Variants in PLCB4 observed in about 807,000 individuals in gnomAD.
PLCB4 encodes phospholipase C beta 4, also known as 1-phosphatidylinositol 4,5-bisphosphate phosphodiesterase beta-4.
PLCB4 carries 77 observed loss-of-function variants against 178.8 expected under a neutral mutation model. That is an observed-to-expected ratio of 0.43 (90% CI 0.36 to 0.52). PLCB4 has a LOEUF of 0.52. Among genes scored for constraint, PLCB4 ranks in the 20% least tolerant of loss-of-function variants. The pLI, the probability that PLCB4 is intolerant of heterozygous loss-of-function variation, is 0.00. For missense variants in PLCB4, 1,024 were observed against 1,453.4 expected (o/e 0.70, Z 4.80); for synonymous variants, 496 against 490.8 (o/e 1.01, Z -0.14).
intron 25 of PLCB4, among the ~76,000 whole-genome samples, chr20:9,417,217 AT>A (rs987735130): frequency 3.9e-5 from 6 of 151,922 alleles, no homozygotes; most frequent in Admixed American, 2.6e-4. Context: ...TAATTTTTTA[AT>A]TTTTTTTAAG....
intron 1 of PLCB4, among the ~76,000 whole-genome samples, chr20:9,090,489 G>C (rs2090629338): frequency 6.7e-6 from 1 of 149,732 alleles, no homozygotes; most frequent in African/African-American, 2.5e-5. Flanking sequence ...AAATAAGTTT[G>C]GCTTCTAACA....
intron 3 of PLCB4, among the ~76,000 whole-genome samples, chr20:9,260,028 G>T (rs1004312853): frequency 1.3e-5 from 2 of 152,034 alleles, no homozygotes; most frequent in Non-Finnish European, 2.9e-5. Flanking sequence ...TACATTTGAA[G>T]AATGGAAATT....
Position 9,406,175 on chromosome 20 carries a change from C to T in PLCB4, c.1647+827C>T, listed in dbSNP as rs574271442. 1.8e-4 allele frequency among the ~76,000 whole-genome samples: 27 copies of T among 152,208 alleles called. No individual in the cohort carries two copies. In the East Asian group the frequency reaches 5.2e-3, roughly 29 times the overall value. On this transcript the variant is annotated intron_variant, in intron 21 of 39. Transcript: ENST00000378473. ...TTTTAATTCTCAAGGCATCAATCTT[C>T]TCATGTGGTCAGTGGGTAGGACTCT...
intron 2 of PLCB4, among the ~76,000 whole-genome samples, chr20:9,209,477 C>A (rs1260817688): frequency 6.6e-6 from 1 of 151,834 alleles, no homozygotes; most frequent in African/African-American, 2.4e-5. Context: ...TTACATGGCA[C>A]AGTTTACTTT....
intron 3 of PLCB4, among the ~76,000 whole-genome samples, chr20:9,254,683 GCAAAACT>G (rs1172506048): frequency 6.6e-6 from 1 of 151,992 alleles, no homozygotes; most frequent in Non-Finnish European, 1.5e-5. Context: ...GGGCAACGGA[GCAAAACT>G]CTGTCTCAAA....
intron 7 of PLCB4, among the ~76,000 whole-genome samples, chr20:9,354,266 T>G (rs1000356015): frequency 6.6e-6 from 1 of 152,194 alleles, no homozygotes; most frequent in Non-Finnish European, 1.5e-5. Flanking sequence ...CTAAAGGTAG[T>G]TAGTTAGCGT....
chr20:9,229,511 G>T (rs1422335915), intron 3 of PLCB4, among the ~76,000 whole-genome samples: 1 of 152,010 alleles, frequency 6.6e-6, no homozygotes, highest in African/African-American at 2.4e-5. Context: ...AGTGCATGCT[G>T]CAGGGAGAAA....
chr20:9,319,575 G>T (rs754344903), intron 4 of PLCB4, among the ~76,000 whole-genome samples: 8 of 152,136 alleles, frequency 5.3e-5, no homozygotes, highest in Non-Finnish European at 1.2e-4. Flanking sequence ...AAGGGCCAGA[G>T]AACCAGGGGA....
chr20:9,111,783 C>T (rs764850541), intron 2 of PLCB4, among the ~76,000 whole-genome samples: 25 of 152,142 alleles, frequency 1.6e-4, no homozygotes, highest in Non-Finnish European at 3.1e-4. Flanking sequence ...CTCTTTGAGA[C>T]GAATGGCCTG....
chr20:9,217,864 A>T (rs1324934040), intron 3 of PLCB4, among the ~76,000 whole-genome samples: 1 of 152,242 alleles, frequency 6.6e-6, no homozygotes, highest in Admixed American at 6.5e-5. Flanking sequence ...TGTGTACATT[A>T]TCAGCAAAAA....
intron 3 of PLCB4, among the ~76,000 whole-genome samples, chr20:9,291,752 T>G (rs2094581646): frequency 6.6e-6 from 1 of 152,140 alleles, no homozygotes; most frequent in Admixed American, 6.6e-5. Flanking sequence ...TAGGTGACAT[T>G]TTTTTGACTA....
chr20:9,257,491 C>T (rs556289031), intron 3 of PLCB4, among the ~76,000 whole-genome samples: 2 of 152,192 alleles, frequency 1.3e-5, no homozygotes, highest in East Asian at 1.9e-4. Flanking sequence ...AAATAATGTA[C>T]GATAGACCCT....
At chr20:9,246,589 T>A (rs144771300) in intron 3 of PLCB4, among the ~76,000 whole-genome samples, 168 of 152,186 alleles carry the variant, frequency 1.1e-3, no homozygotes, top group Non-Finnish European at 1.8e-3. Flanking sequence ...GGCTTTGGCA[T>A]CTTGAGGACA....
intron 35 of PLCB4, among the ~76,000 whole-genome samples, chr20:9,461,415 G>T (rs1167196316): frequency 6.6e-6 from 1 of 152,188 alleles, no homozygotes; most frequent in East Asian, 1.9e-4. Context: ...TTGGACAGTG[G>T]GTGCAGCCCA....
At chr20:9,477,858 A>G (rs1253233455) in intron 39 of PLCB4, among the ~76,000 whole-genome samples, 1 of 152,180 alleles carries the variant, frequency 6.6e-6, no homozygotes, top group East Asian at 1.9e-4. Flanking sequence ...GATGCTTCTC[A>G]TATATCTACA....
At chr20:9,373,629 G>A (rs576837185) in intron 12 of PLCB4, among the ~76,000 whole-genome samples, 1 of 152,294 alleles carries the variant, frequency 6.6e-6, no homozygotes, top group South Asian at 2.1e-4. Flanking sequence ...GAGTTCCTGG[G>A]TGAAAATACA....
chr20:9,161,507 G>A (rs2092887188), intron 2 of PLCB4, among the ~76,000 whole-genome samples: 1 of 152,190 alleles, frequency 6.6e-6, no homozygotes, highest in Admixed American at 6.5e-5. Flanking sequence ...TGTGCTGTCT[G>A]GCTGATTTTA....
chr20:9,399,970 A>G (rs1341260520), intron 19 of PLCB4, among the ~76,000 whole-genome samples: 4 of 152,214 alleles, frequency 2.6e-5, no homozygotes, highest in African/African-American at 9.6e-5. Context: ...AGACAAGTCA[A>G]ATCATATCTC....
chr20:9,384,215 G>C lies in PLCB4; in HGVS notation c.868G>C (p.Asp290His). ...DLKKKGLISS[D>H]GFCRYLMSDE... ...TTTTCCCCTAGGCCTTATATCAAGT[G>C]ATGGGTTTTGCAGATATCTGATGTC... The change falls in exon 14 of 40, where the codon GAT (aspartate) becomes CAT (histidine). Residue 290 changes from aspartate to histidine, a missense_variant. By Grantham distance (81) the Asp-to-His change is moderately conservative. Around this residue, in one of 7 missense-constraint regions of PLCB4, gnomAD observed 263 missense variants for 417.4 expected, o/e 0.63. Transcript: ENST00000378473. The C allele has an allele frequency of 1.9e-6, 3 of 1,613,494 alleles. No individual in the cohort carries two copies. Among genetic ancestry groups the C allele is most frequent in the Non-Finnish European group, 2.5e-6 (3 of 1,179,396 alleles).
Sources: allele counts gnomAD v4.1 joint callset (sites outside exome capture counted in the v4.1 genomes callset), GRCh38; gene constraint gnomAD v4.1.1; regional missense constraint gnomAD v4.1.1; transcripts MANE v1.5; gene names NCBI Gene and HGNC (gene_info 2026-07-23, HGNC 2026-07-21).